ACLY: variants seen among roughly 807,000 people sequenced by gnomAD.
The protein encoded by ACLY is ATP citrate lyase, also known as ATP-citrate synthase.
ACLY carries 41 observed loss-of-function variants against 133.0 expected under a neutral mutation model. The observed-to-expected ratio is 0.31, with a 90% CI of 0.24 to 0.40. ACLY has a LOEUF of 0.40. Among genes scored for constraint, ACLY ranks in the 10% least tolerant of loss-of-function variants. The pLI is 1.00. For missense variants in ACLY, 1,046 were observed against 1,453.8 expected (o/e 0.72, Z 4.56); for synonymous variants, 495 against 549.3 (o/e 0.90, Z 1.38).
chr17:41,904,931 A>G, intron 9 of ACLY, 141 bp from the exon 10 acceptor site: 2 of 748,394 alleles, frequency 2.7e-6, no homozygotes, highest in Non-Finnish European at 4.6e-6. Context: ...TGAGTAGGAC[A>G]GTCTCTCCAG....
chr17:41,918,988 C>G (rs1555635017), upstream of ACLY: 1 of 1,286,964 alleles, frequency 7.8e-7, no homozygotes, highest in African/African-American at 1.5e-5. Flanking sequence ...TTTGTCCCGG[C>G]CCAGCCGGAC....
At chr17:41,876,380 C>T (rs1176281466) in intron 22 of ACLY, among the ~76,000 whole-genome samples, 2 of 151,556 alleles carry the variant, frequency 1.3e-5, no homozygotes, top group African/African-American at 4.9e-5. Flanking sequence ...GTGAGGAGCC[C>T]CTCTGCCCGG....
In ACLY at chr17:41,887,741, G is replaced by C. The variant is rs2049094154; in HGVS notation, c.1771-38C>G. Reference sequence around the variant, plus strand: ...AAAAGTCCCTTCCTGTTAACTCTCTGCCTCAGAAAGGGCAACAAGACAGCA... The same window carrying C: ...AAAAGTCCCTTCCTGTTAACTCTCTCCCTCAGAAAGGGCAACAAGACAGCA... On this transcript the variant is annotated intron_variant, in intron 16 of 28. Transcript: ENST00000352035. The C allele has an allele frequency of 2.5e-6, 4 of 1,570,714 alleles. No individual in the cohort carries two copies. The African/African-American group carries it at 4.0e-5, about 16-fold the overall frequency.
chr17:41,905,693 C>T, intron 8 of ACLY, 35 bp from the exon 9 acceptor site: 1 of 1,613,934 alleles, frequency 6.2e-7, no homozygotes, highest in Non-Finnish European at 8.5e-7. Context: ...ATGGCTCTCA[C>T]ACTTGGGGCA....
intron 3 of ACLY, 42 bp from the exon 4 acceptor site, chr17:41,910,326 C>G (rs781843534): frequency 1.4e-5 from 22 of 1,579,008 alleles, no homozygotes; most frequent in Non-Finnish European, 1.9e-5. Flanking sequence ...AGGGACAGCA[C>G]GTCTTGCCCC....
chr17:41,881,904 C>T (rs1413681450), intron 20 of ACLY, among the ~76,000 whole-genome samples: 2 of 152,194 alleles, frequency 1.3e-5, no homozygotes, highest in Non-Finnish European at 2.9e-5. Flanking sequence ...ACACTTTACA[C>T]AAAATGGATA....
At chr17:41,905,960 G>A (rs1448473379) in intron 8 of ACLY, among the ~76,000 whole-genome samples, 1 of 152,188 alleles carries the variant, frequency 6.6e-6, no homozygotes, top group Non-Finnish European at 1.5e-5. Context: ...ATCACACACT[G>A]CAGGAGTCCC....
chr17:41,930,515 A>T (rs1031929619), exon 1 of ACLY: 3 of 519,824 alleles, frequency 5.8e-6, no homozygotes, highest in Non-Finnish European at 1.0e-5. Flanking sequence ...CCACGCAATC[A>T]TCACTCCCTG....
intron 18 of ACLY, 63 bp from the exon 19 acceptor site, chr17:41,884,337 G>T: frequency 1.8e-6 from 2 of 1,108,202 alleles, no homozygotes; most frequent in South Asian, 1.2e-5. Flanking sequence ...GTGTGTACAG[G>T]GTTAGGAAGC....
At chr17:41,917,744 C>T (rs1484614725) in intron 1 of ACLY, among the ~76,000 whole-genome samples, 1 of 152,102 alleles carries the variant, frequency 6.6e-6, no homozygotes. Flanking sequence ...CTGCGGCAGG[C>T]ATAGTGTCAG....
intron 11 of ACLY, among the ~76,000 whole-genome samples, chr17:41,901,160 A>T (rs1555631536): frequency 6.7e-6 from 1 of 150,110 alleles, no homozygotes; most frequent in African/African-American, 2.5e-5. Context: ...GGGTCTCGCC[A>T]TGTTGCCCAG....
intron 17 of ACLY, among the ~76,000 whole-genome samples, chr17:41,887,120 T>C (rs1389587532): frequency 7.0e-5 from 7 of 100,142 alleles, no homozygotes; most frequent in Non-Finnish European, 9.7e-5. Flanking sequence ...CAAGACTCCG[T>C]CTCAAAGAAA....
In ACLY at chr17:41,900,069, C is replaced by CAAAAAA. The variant is rs60296550; in HGVS notation, c.1184-1290_1184-1285dup. ...GGGTGACAGAGTGAGACCCTGTCTC[C>CAAAAAA]AAAAAAAAAAAAAAAAAAAAAAAAA... is the stretch of plus-strand genomic sequence containing the variant. On this transcript the variant is annotated intron_variant, in intron 11 of 28. Transcript: ENST00000352035. 1.8e-3 allele frequency among the ~76,000 whole-genome samples: 82 copies of CAAAAAA among 46,618 alleles called. 9 individuals are homozygous for CAAAAAA. The highest frequency in any genetic ancestry group is 4.7e-3 in the African/African-American group (71 of 15,182). 30.6% of individuals were successfully genotyped at this position (46,618 alleles called of 152,430 possible).
chr17:41,912,014 TG>T (rs1319387024), intron 3 of ACLY, among the ~76,000 whole-genome samples: 2 of 150,202 alleles, frequency 1.3e-5, no homozygotes, highest in African/African-American at 2.5e-5. Context: ...CTCAGAAGGC[TG>T]GGGCTAGAAA....
At chr17:41,892,239 A>AGGGGGGGGGGGGGGGGGGGGGGG in intron 16 of ACLY, 40 bp downstream of exon 16, 1 of 357,308 alleles carries the variant, frequency 2.8e-6, no homozygotes. Context: ...CGCATAGTTC[A>AGGGGGGGGGGGGGGGGGGGGGGG]TGGTCCCCAC....
At chr17:41,901,584 A>G in intron 11 of ACLY, 112 bp downstream of exon 11, 1 of 863,204 alleles carries the variant, frequency 1.2e-6, no homozygotes, top group Non-Finnish European at 1.9e-6. Flanking sequence ...CACACCCAGG[A>G]AGGGGAGTAG....
intron 20 of ACLY, among the ~76,000 whole-genome samples, chr17:41,879,712 TTTTC>T (rs1278463318): frequency 2.8e-5 from 4 of 142,062 alleles, no homozygotes; most frequent in Admixed American, 7.3e-5. Context: ...TGTCTGTGTC[TTTTC>T]TTTCTTTCTT....
chr17:41,912,674 T>A (rs1030616082), intron 2 of ACLY, 132 bp from the exon 3 acceptor site: 3 of 1,164,366 alleles, frequency 2.6e-6, no homozygotes, highest in Non-Finnish European at 3.6e-6. Flanking sequence ...TAACCATCCT[T>A]CAGAGTCAAC....
At position 41,912,414 on chromosome 17, in the gene ACLY, A is replaced by G. The variant is rs782592583; in HGVS notation, c.282+6T>C. ...ACACGTTCATCCTGACCCCATGCCC[A>G]CTCACTGTGGCTTCCTGTCCCAGCC... is the stretch of plus-strand genomic sequence containing the variant. On this transcript the variant is annotated splice_donor_region_variant and intron_variant, in intron 3 of 28. Coordinates refer to ENST00000352035, the MANE Select transcript of ACLY (RefSeq NM_001096.3). 1.5e-5 allele frequency: 25 copies of G among 1,613,518 alleles called. No homozygotes were observed. The highest frequency in any genetic ancestry group is 2.0e-5 in the Non-Finnish European group (24 of 1,179,830).
Sources: allele counts gnomAD v4.1 joint callset (sites outside exome capture counted in the v4.1 genomes callset), GRCh38; gene constraint gnomAD v4.1.1; transcripts MANE v1.5; gene names NCBI Gene and HGNC (gene_info 2026-07-23, HGNC 2026-07-21).